HAGH: variants seen among roughly 807,000 people sequenced by gnomAD.
HAGH encodes the protein hydroxyacylglutathione hydrolase, mitochondrial.
Under a neutral mutation model 35.1 loss-of-function variants are expected in HAGH, and 29 were observed. That is an observed-to-expected ratio of 0.83 (90% confidence interval 0.62 to 1.13). HAGH has a LOEUF of 1.13. Among genes scored for constraint, HAGH ranks in the 50% most tolerant of loss-of-function variants. The pLI, the probability that HAGH is intolerant of heterozygous loss-of-function variation, is 0.00. For missense variants in HAGH, 478 were observed against 419.6 expected, an observed-to-expected ratio of 1.14 and a Z score of -1.22; for synonymous variants, 225 against 176.1, an observed-to-expected ratio of 1.28 and a Z score of -2.20.
chr16:1,816,959 G>A lies in HAGH; in HGVS notation c.681C>T (p.Asn227=). 1 of 1,613,724 alleles carries A rather than the reference G, an allele frequency of 6.2e-7. No homozygotes were observed. Among genetic ancestry groups the A allele is most frequent in the Non-Finnish European group, 8.5e-7 (1 of 1,179,618 alleles). The change falls in exon 7 of 9, where the codon AAC becomes AAT. Residue 227 remains asparagine, a synonymous_variant. Coordinates refer to ENST00000397356, the MANE Select transcript of HAGH (RefSeq NM_005326.6). ...VYCGHEYTIN[N]LKFARHVEPG... ...GCTCCACGTGGCGTGCAAACTTGAG[G>A]TTGTTGATGGTGTACTCGTGGCCAC...
chr16:1,822,783 A>G, intron 2 of HAGH, 82 bp downstream of exon 2: 1 of 1,188,152 alleles, frequency 8.4e-7, no homozygotes, highest in South Asian at 1.3e-5. Context: ...TTGCAAGGAC[A>G]CTGCGGTTAG....
intron 8 of HAGH, 115 bp from the exon 9 acceptor site, chr16:1,809,497 G>A (rs543872632): frequency 5.8e-5 from 47 of 806,172 alleles, no homozygotes; most frequent in African/African-American, 3.9e-4. Context: ...CAGAGGACAC[G>A]GAGGGCGGGG....
intron 7 of HAGH, among the ~76,000 whole-genome samples, chr16:1,813,092 T>C (rs1429280539): frequency 6.6e-6 from 1 of 152,202 alleles, no homozygotes; most frequent in Non-Finnish European, 1.5e-5. Flanking sequence ...AAACGCATGC[T>C]CAAATCTGAT....
intron 3 of HAGH, among the ~76,000 whole-genome samples, chr16:1,820,777 G>A (rs1898119486): frequency 6.6e-6 from 1 of 152,160 alleles, no homozygotes; most frequent in African/African-American, 2.4e-5. Context: ...CAAGATAACA[G>A]GGTGGAGTGG....
At chr16:1,827,107 G>A (rs1043676815), upstream of HAGH, 7 of 1,346,586 alleles carry the variant, frequency 5.2e-6, no homozygotes, top group African/African-American at 7.3e-5. Flanking sequence ...CCGGGTACCC[G>A]GCAGATCGCG....
intron 3 of HAGH, among the ~76,000 whole-genome samples, chr16:1,820,846 T>C (rs1898123356): frequency 6.6e-6 from 1 of 152,136 alleles, no homozygotes; most frequent in Non-Finnish European, 1.5e-5. Context: ...CAGGCCTTGG[T>C]CTGCCCATCA....
In HAGH at chr16:1,809,348, C is replaced by A. The variant is rs1567249679; in HGVS notation, c.862G>T (p.Asp288Tyr). The A allele has an allele frequency of 6.2e-7, 1 of 1,613,332 alleles. No homozygotes were observed. The highest frequency in any genetic ancestry group is 2.2e-5 in the East Asian group (1 of 44,876). The part of the protein sequence containing the change: ...KTVQQHAGET[D>Y]PVTTMRAVRR... The stretch of plus-strand genomic sequence containing the variant: ...ACGGCCCGCATGGTGGTCACCGGGT[C>A]CGTCTCACCTGCGTGCTGCTGCACC... The change falls in exon 9 of 9, where the codon GAC (aspartate) becomes TAC (tyrosine). Residue 288 changes from aspartate (D) to tyrosine (Y), a missense_variant. By Grantham distance (160) the Asp-to-Tyr change is radical. Coordinates refer to ENST00000397356, the MANE Select transcript of HAGH (RefSeq NM_005326.6).
intron 5 of HAGH, among the ~76,000 whole-genome samples, chr16:1,817,493 C>A (rs912495892): frequency 6.6e-6 from 1 of 152,124 alleles, no homozygotes; most frequent in Non-Finnish European, 1.5e-5. Context: ...CCGAGCAGAC[C>A]CGAAACCCAA....
chr16:1,826,723 C>A lies in HAGH; in HGVS notation c.65G>T (p.Arg22Leu). 8.7e-7 allele frequency: 1 copy of A among 1,147,488 alleles called. No individual in the cohort carries two copies. Among genetic ancestry groups the A allele is most frequent in the Non-Finnish European group, 1.1e-6 (1 of 933,890 alleles). The allele number at this position is 1,147,488 out of a possible 1,614,324, so 71.1% of individuals were successfully genotyped here. A position where few individuals can be genotyped will look rare whatever the true frequency, so the allele number is the denominator to read the frequency against. ...CCCGCCGCACCCACCGAGGCCTCGG[C>A]GGGCGCAGGCGGCTCCCAGCGCGGC... ...SLAALGAACA[R>L]RGLGPALLGV... The change falls in exon 1 of 9, where the codon CGC becomes CTC. Residue 22 changes from arginine to leucine, a missense_variant. Arg to Leu is a moderately radical substitution (Grantham distance 102, BLOSUM62 -2). Transcript: ENST00000397356.
chr16:1,815,918 C>G (rs1304648173), intron 7 of HAGH, among the ~76,000 whole-genome samples: 2 of 147,198 alleles, frequency 1.4e-5, no homozygotes, highest in East Asian at 4.1e-4. Flanking sequence ...ACTCAAGAGG[C>G]TGAGGCAGGG....
chr16:1,817,089 G>A, intron 6 of HAGH, 79 bp downstream of exon 6: 1 of 1,328,972 alleles, frequency 7.5e-7, no homozygotes, highest in Non-Finnish European at 1.1e-6. Context: ...GGTGTCCGGT[G>A]AGAGGGTGCC....
chr16:1,823,062 C>T (rs374437125), intron 1 of HAGH, 25 bp from the exon 2 acceptor site: 11 of 1,608,782 alleles, frequency 6.8e-6, no homozygotes, highest in Non-Finnish European at 9.3e-6. Context: ...CACAACTCAG[C>T]GGGCAGCCGC....
At chr16:1,826,244 G>C (rs937359277) in intron 1 of HAGH, among the ~76,000 whole-genome samples, 1 of 151,634 alleles carries the variant, frequency 6.6e-6, no homozygotes, top group Non-Finnish European at 1.5e-5. Context: ...ATGACACGCC[G>C]GGTCCCCAGA....
chr16:1,820,092 AGCTGAGGGG>A (rs1291386971), intron 3 of HAGH, 78 bp from the exon 4 acceptor site: 2 of 378,238 alleles, frequency 5.3e-6, no homozygotes, highest in African/African-American at 3.1e-5. Context: ...CTGCCTGCTG[AGCTGAGGGG>A]CTGCCTGCTG....
chr16:1,817,268 T>C lies in HAGH; in HGVS notation c.545A>G (p.Asp182Gly). The C allele has an allele frequency of 6.2e-7, 1 of 1,607,124 alleles. No homozygotes were observed. The highest frequency in any genetic ancestry group is 8.5e-7 in the Non-Finnish European group (1 of 1,173,710). ...GSEPPAVFTG[D>G]TLFVAGCGKF... ...CCCGCAGCCAGCCACAAACAAGGTG[T>C]CACCTGGAAACAAGGACAGCCACGA... is the stretch of plus-strand genomic sequence containing the variant. The change falls in exon 6 of 9, where the codon GAC becomes GGC. Residue 182 changes from aspartate (D) to glycine (G), a missense_variant. Physicochemically the swap from Asp to Gly is moderately conservative, Grantham distance 94 (BLOSUM62 -1). Transcript: ENST00000397356.
chr16:1,819,296 G>A (rs567072530), intron 4 of HAGH, 73 bp from the exon 5 acceptor site: 8 of 956,284 alleles, frequency 8.4e-6, no homozygotes, highest in Admixed American at 2.2e-5. Context: ...ACGGCGCGCC[G>A]CCTGGGCCCT....
rs771673983 is a variant in HAGH at position 1,819,994 on chromosome 16, T to C, written c.335A>G (p.Glu112Gly). ...TCCCGACTCCAGCTTGACCAGTTTCTCATTCCCGCCAGCATGGTCCCTAGA... is the reference window on the plus strand; with the variant it reads ...TCCCGACTCCAGCTTGACCAGTTTCCCATTCCCGCCAGCATGGTCCCTAGA... Reference protein sequence around the residue: ...HHHWDHAGGNEKLVKLESGLK... With the variant: ...HHHWDHAGGNGKLVKLESGLK... Residue 112 changes from glutamate to glycine, a missense_variant, in exon 4 of 9, where the codon GAG (glutamate) becomes GGG (glycine). By Grantham distance (98) the Glu-to-Gly change is moderately conservative. Transcript: ENST00000397356. The C allele has an allele frequency of 2.5e-6, 4 of 1,612,424 alleles. No homozygotes were observed. Among genetic ancestry groups the C allele is most frequent in the Admixed American group, 3.3e-5 (2 of 59,944 alleles).
At chr16:1,818,863 C>G in intron 5 of HAGH, 1 of 508,212 alleles carries the variant, frequency 2.0e-6, no homozygotes, top group Non-Finnish European at 3.5e-6. Flanking sequence ...GGGACCCGCC[C>G]GGACCCCAGC....
chr16:1,818,214 G>A (rs1165525076), intron 5 of HAGH, among the ~76,000 whole-genome samples: 1 of 152,124 alleles, frequency 6.6e-6, no homozygotes, highest in African/African-American at 2.4e-5. Context: ...GAGACCCAGG[G>A]ACTCCGTGCT....
Sources: gnomAD v4.1 joint callset for allele counts (sites outside exome capture counted in the v4.1 genomes callset) on GRCh38, gnomAD v4.1.1 for gene constraint, MANE v1.5 for transcripts, NCBI Gene and HGNC (gene_info 2026-07-23, HGNC 2026-07-21) for gene names.